The following SPAG16 variants were observed in gnomAD, a reference collection of about 807,000 sequenced individuals.
The protein encoded by SPAG16 is sperm-associated antigen 16 protein.
In SPAG16, 86 loss-of-function variants were observed where a neutral mutation model predicts 80.4. The observed-to-expected ratio is 1.07, with a 90% CI of 0.90 to 1.28. SPAG16 has a LOEUF of 1.28. SPAG16 is among the 50% of genes most tolerant of loss of function. The probability of loss-of-function intolerance (pLI) is 0.00; values close to 1 mark genes in which losing one functional copy is unlikely to be tolerated. For missense variants in SPAG16, 870 were observed against 765.3 expected (o/e 1.14, Z -1.61); for synonymous variants, 294 against 265.9 (o/e 1.11, Z -1.03).
At chr2:214,211,636 A>G (rs1172747772) in intron 15 of SPAG16, among the ~76,000 whole-genome samples, 2 of 152,150 alleles carry the variant, frequency 1.3e-5, no homozygotes, top group Non-Finnish European at 2.9e-5. Flanking sequence ...CAGCTCCCTG[A>G]CTAGAGAGGG....
chr2:213,417,754 T>C (rs1575538357), intron 9 of SPAG16, among the ~76,000 whole-genome samples: 1 of 152,214 alleles, frequency 6.6e-6, no homozygotes, highest in Non-Finnish European at 1.5e-5. Context: ...TTTTTACTTA[T>C]CTATAAAAAT....
chr2:213,646,171 C>T (rs769360956), intron 10 of SPAG16, among the ~76,000 whole-genome samples: 3 of 152,220 alleles, frequency 2.0e-5, no homozygotes, highest in Non-Finnish European at 4.4e-5. Flanking sequence ...CCTATCCCTT[C>T]AGTGCCTCTT....
chr2:214,086,651 CA>C (rs1403485307), intron 13 of SPAG16, among the ~76,000 whole-genome samples: 1 of 152,068 alleles, frequency 6.6e-6, no homozygotes, highest in African/African-American at 2.4e-5. Context: ...GAACTATGAA[CA>C]ATTAAACCTC....
rs7599129 is a variant in SPAG16, at chr2:213,905,421, G to A, written c.1215-24539G>A. Among the ~76,000 whole-genome samples, 866 of 152,232 alleles carry A rather than the reference G, an allele frequency of 5.7e-3. 9 individuals are homozygous for A. The highest frequency in any genetic ancestry group is 0.02 in the African/African-American group (827 of 41,528). On this transcript the variant is annotated intron_variant, in intron 11 of 15. Transcript: ENST00000331683. ...AAATATTCAAATTAAATGTCCAGTG[G>A]CAAATGGCACATACAATCCACTGGC...
intron 10 of SPAG16, among the ~76,000 whole-genome samples, chr2:213,682,642 T>G (rs2064454597): frequency 6.6e-6 from 1 of 152,114 alleles, no homozygotes; most frequent in Admixed American, 6.6e-5. Flanking sequence ...TCGGCATGTC[T>G]CTGGACAGAG....
At chr2:213,447,306 A>G (rs1406855810) in intron 9 of SPAG16, among the ~76,000 whole-genome samples, 1 of 152,168 alleles carries the variant, frequency 6.6e-6, no homozygotes, top group Non-Finnish European at 1.5e-5. Flanking sequence ...ACAAGGCCTC[A>G]TATGATATTC....
chr2:214,100,745 T>C (rs2052958163), intron 13 of SPAG16, among the ~76,000 whole-genome samples: 2 of 152,140 alleles, frequency 1.3e-5, no homozygotes. Flanking sequence ...GCCTGAATAG[T>C]ATTCATGGTG....
intron 12 of SPAG16, among the ~76,000 whole-genome samples, chr2:214,000,833 AT>A (rs960279977): frequency 1.3e-4 from 19 of 150,770 alleles, no homozygotes; most frequent in Admixed American, 2.0e-4. Context: ...GGTTAAATAG[AT>A]TTTTTTTTTC....
intron 11 of SPAG16, among the ~76,000 whole-genome samples, chr2:213,895,607 A>G (rs2106100082): frequency 6.6e-6 from 1 of 152,298 alleles, no homozygotes; most frequent in South Asian, 2.1e-4. Flanking sequence ...AAATCCGTGC[A>G]TTTGCATCCA....
chr2:213,389,897 G>A (rs1157761726), intron 9 of SPAG16, among the ~76,000 whole-genome samples: 1 of 152,090 alleles, frequency 6.6e-6, no homozygotes, highest in Non-Finnish European at 1.5e-5. Context: ...ATACACAAAA[G>A]AATTGAAAGC....
chr2:213,462,715 T>C (rs1216922468), intron 9 of SPAG16, among the ~76,000 whole-genome samples: 1 of 152,236 alleles, frequency 6.6e-6, no homozygotes, highest in Non-Finnish European at 1.5e-5. Context: ...CCTTCTGCCA[T>C]GATTGTAAGT....
At chr2:213,704,829 G>A (rs983032281) in intron 10 of SPAG16, among the ~76,000 whole-genome samples, 3 of 152,186 alleles carry the variant, frequency 2.0e-5, no homozygotes, top group African/African-American at 4.8e-5. Flanking sequence ...GATTAAAAAG[G>A]TGACTCTATT....
intron 10 of SPAG16, among the ~76,000 whole-genome samples, chr2:213,592,804 T>G (rs905190505): frequency 6.6e-6 from 1 of 152,236 alleles, no homozygotes; most frequent in African/African-American, 2.4e-5. Context: ...CTAAATGGTG[T>G]GATCACTTCG....
Position 213,743,124 on chromosome 2 carries a change from C to T in SPAG16, c.1071-119361C>T, listed in dbSNP as rs557557062. On this transcript the variant is annotated intron_variant, in intron 10 of 15. Transcript: ENST00000331683. ...TTCACTGTGTTAGCGAGGATGGTCT[C>T]TATCTCCTGACCTCGTGATCCACCC... 9.0e-3 allele frequency among the ~76,000 whole-genome samples: 1,364 copies of T among 151,082 alleles called. 12 individuals are homozygous for T. Among genetic ancestry groups the T allele is most frequent in the South Asian group, 0.05 (235 of 4,742 alleles).
At chr2:214,311,086 G>A (rs1695266915) in intron 15 of SPAG16, among the ~76,000 whole-genome samples, 1 of 152,108 alleles carries the variant, frequency 6.6e-6, no homozygotes, top group Admixed American at 6.5e-5. Flanking sequence ...TCCATTTCTG[G>A]CCACTAGGGT....
chr2:213,508,880 C>A (rs1163948271), intron 10 of SPAG16, among the ~76,000 whole-genome samples: 1 of 151,566 alleles, frequency 6.6e-6, no homozygotes, highest in African/African-American at 2.4e-5. Context: ...AACTAACCTG[C>A]ACATTGTGCA....
chr2:214,362,329 A>G, intron 15 of SPAG16, among the ~76,000 whole-genome samples: 1 of 151,902 alleles, frequency 6.6e-6, no homozygotes, highest in East Asian at 1.9e-4. Context: ...AGCTGAAGCA[A>G]TCTTATGGCC....
At chr2:213,964,262 T>C (rs1367674342) in intron 12 of SPAG16, among the ~76,000 whole-genome samples, 1 of 152,154 alleles carries the variant, frequency 6.6e-6, no homozygotes, top group African/African-American at 2.4e-5. Flanking sequence ...AGGTAAGAGA[T>C]GAAAGGACAA....
intron 10 of SPAG16, among the ~76,000 whole-genome samples, chr2:213,650,026 G>T (rs537117117): frequency 6.6e-6 from 1 of 152,146 alleles, no homozygotes; most frequent in African/African-American, 2.4e-5. Flanking sequence ...GGAAGAAAAA[G>T]AAGTTCTCGA....
Sources: gnomAD v4.1 joint callset for allele counts (sites outside exome capture counted in the v4.1 genomes callset) on GRCh38, gnomAD v4.1.1 for gene constraint, MANE v1.5 for transcripts, NCBI Gene and HGNC (gene_info 2026-07-23, HGNC 2026-07-21) for gene names.